The following UBR2 variants were observed in gnomAD, a reference collection of about 807,000 sequenced individuals.
UBR2 encodes ubiquitin protein ligase E3 component n-recognin 2, also known as E3 ubiquitin-protein ligase UBR2.
UBR2 carries 92 observed loss-of-function variants against 247.9 expected under a neutral mutation model. That is an observed-to-expected ratio of 0.37 (90% CI 0.31 to 0.44). The LOEUF (loss-of-function observed/expected upper bound fraction) is 0.44. UBR2 is among the 20% of genes least tolerant of loss of function. UBR2 has a pLI of 1.00. For missense variants in UBR2, 1,613 were observed against 2,112.6 expected (o/e 0.76, Z 4.64); for synonymous variants, 672 against 693.5 (o/e 0.97, Z 0.49).
At chr6:42,623,325 G>A (rs1228864365) in intron 11 of UBR2, among the ~76,000 whole-genome samples, 1 of 151,958 alleles carries the variant, frequency 6.6e-6, no homozygotes. Flanking sequence ...GTTTAAGAGA[G>A]GGAGCCTTGT....
chr6:42,612,403 C>T, intron 8 of UBR2, 112 bp downstream of exon 8: 1 of 1,220,694 alleles, frequency 8.2e-7, no homozygotes, highest in Non-Finnish European at 1.1e-6. Context: ...TTTAATTTTA[C>T]ATTTTAAAAT....
Position 42,589,506 on chromosome 6 carries a change from C to A in UBR2, c.339-2645C>A, listed in dbSNP as rs114244132. ...ATCTGATTTTGACATTAGAGCGACG[C>A]TGGCCTAATAGAATGAGTTAGGAAG... On this transcript the variant is annotated intron_variant, in intron 2 of 46. Transcript: ENST00000372901. 2.6e-3 allele frequency among the ~76,000 whole-genome samples: 390 copies of A among 152,330 alleles called. 8 individuals are homozygous for A. The highest frequency in any genetic ancestry group is 8.5e-3 in the African/African-American group (354 of 41,570).
intron 11 of UBR2, among the ~76,000 whole-genome samples, chr6:42,624,342 G>GA (rs923792959): frequency 6.6e-6 from 1 of 151,118 alleles, no homozygotes; most frequent in Non-Finnish European, 1.5e-5. Context: ...GTTGGTGGGG[G>GA]GGGTGTTGCT....
chr6:42,660,433 C>T (rs1283274909), intron 30 of UBR2, among the ~76,000 whole-genome samples: 1 of 152,052 alleles, frequency 6.6e-6, no homozygotes, highest in Non-Finnish European at 1.5e-5. Context: ...ACCACAGACA[C>T]ATTTATTTCT....
At chr6:42,568,530 C>T (rs1562270458) in intron 1 of UBR2, among the ~76,000 whole-genome samples, 1 of 152,034 alleles carries the variant, frequency 6.6e-6, no homozygotes, top group African/African-American at 2.4e-5. Flanking sequence ...GAGATCGAGA[C>T]CATCCTGGCT....
intron 2 of UBR2, among the ~76,000 whole-genome samples, chr6:42,591,503 C>A (rs1480274335): frequency 6.6e-6 from 1 of 152,088 alleles, no homozygotes; most frequent in African/African-American, 2.4e-5. Flanking sequence ...CTCAGGGCAC[C>A]CCAACCAACC....
intron 2 of UBR2, among the ~76,000 whole-genome samples, chr6:42,586,822 C>CTTTTT (rs34530579): frequency 0.012 from 1,513 of 123,872 alleles, 126 homozygotes; most frequent in African/African-American, 0.043. Context: ...CACCTATAAA[C>CTTTTT]TTTTTTTTTT....
At chr6:42,647,611 A>G (rs1796851835) in intron 21 of UBR2, among the ~76,000 whole-genome samples, 1 of 152,014 alleles carries the variant, frequency 6.6e-6, no homozygotes, top group Non-Finnish European at 1.5e-5. Context: ...AATAAAAAAT[A>G]AAGTGATTGT....
chr6:42,632,255 A>G (rs1795796413), intron 11 of UBR2, among the ~76,000 whole-genome samples: 1 of 152,026 alleles, frequency 6.6e-6, no homozygotes, highest in Admixed American at 6.5e-5. Flanking sequence ...TCAGTTAAGG[A>G]AAATTTGCAG....
chr6:42,630,484 A>ATTTT (rs571382373), intron 11 of UBR2, among the ~76,000 whole-genome samples: 1 of 144,724 alleles, frequency 6.9e-6, no homozygotes, highest in African/African-American at 2.5e-5. Context: ...CACCCAGCCT[A>ATTTT]TTTTTTTTTT....
intron 36 of UBR2, among the ~76,000 whole-genome samples, chr6:42,672,320 A>G (rs1219456737): frequency 1.3e-5 from 2 of 152,076 alleles, no homozygotes; most frequent in African/African-American, 4.8e-5. Flanking sequence ...GGCATGAGCC[A>G]CCATTCCCGG....
chr6:42,608,285 A>G (rs1261754586), intron 7 of UBR2, among the ~76,000 whole-genome samples: 3 of 152,168 alleles, frequency 2.0e-5, no homozygotes, highest in Non-Finnish European at 4.4e-5. Context: ...CTGTTTCTCC[A>G]CATCTTTGTT....
chr6:42,621,963 T>TA (rs1795015535), intron 11 of UBR2, among the ~76,000 whole-genome samples: 1 of 152,152 alleles, frequency 6.6e-6, no homozygotes, highest in Non-Finnish European at 1.5e-5. Flanking sequence ...TTTAGTTTTT[T>TA]AAAAAAATTT....
At chr6:42,683,716 T>C (rs1486964005) in intron 43 of UBR2, among the ~76,000 whole-genome samples, 1 of 152,250 alleles carries the variant, frequency 6.6e-6, no homozygotes, top group Non-Finnish European at 1.5e-5. Flanking sequence ...TTTCAAATTA[T>C]GGAGCATTTC....
chr6:42,605,633 G>C (rs758939105), intron 5 of UBR2, 88 bp from the exon 6 acceptor site: 4 of 1,231,746 alleles, frequency 3.2e-6, no homozygotes, highest in Non-Finnish European at 4.5e-6. Context: ...CTAGCACATT[G>C]CATAGGACAA....
At chr6:42,686,773 G>A (rs1171257150) in intron 44 of UBR2, among the ~76,000 whole-genome samples, 19 of 151,946 alleles carry the variant, frequency 1.3e-4, no homozygotes, top group African/African-American at 4.1e-4. Flanking sequence ...CGGACTGGGC[G>A]GCTGCTGGGC....
chr6:42,624,268 C>T (rs916672543), intron 11 of UBR2, among the ~76,000 whole-genome samples: 1 of 151,392 alleles, frequency 6.6e-6, no homozygotes, highest in African/African-American at 2.4e-5. Context: ...TCCCAAGTAG[C>T]TGGGAGTACA....
intron 11 of UBR2, among the ~76,000 whole-genome samples, chr6:42,623,696 C>G (rs2151945432): frequency 6.6e-6 from 1 of 152,176 alleles, no homozygotes; most frequent in South Asian, 2.1e-4. Flanking sequence ...GTGATCCACC[C>G]TCCTCAGCCT....
rs1191721287 is a variant in UBR2, at chr6:42,631,887, TATAA to T, written c.1282-661_1282-658del. 5.8e-4 allele frequency among the ~76,000 whole-genome samples: 73 copies of T among 124,792 alleles called. 3 individuals are homozygous for T. Among genetic ancestry groups the T allele is most frequent in the Admixed American group, 2.7e-3 (32 of 11,826 alleles). The allele number at this position is 124,792 out of a possible 152,430, so 81.9% of individuals were successfully genotyped here. A position where few individuals can be genotyped will look rare whatever the true frequency, so the allele number is the denominator to read the frequency against. On this transcript the variant is annotated intron_variant, in intron 11 of 46. Coordinates refer to ENST00000372901, the MANE Select transcript of UBR2 (RefSeq NM_001363705.2). ...ATATATATATATATATATATATATA[TATAA>T]ATACAGGTTCTGTAATTATATATAT...
Sources: allele counts gnomAD v4.1 joint callset (sites outside exome capture counted in the v4.1 genomes callset), GRCh38; gene constraint gnomAD v4.1.1; transcripts MANE v1.5; gene names NCBI Gene and HGNC (gene_info 2026-07-23, HGNC 2026-07-21).